The following OPCML variants were observed in gnomAD, a reference collection of about 807,000 sequenced individuals.
The protein encoded by OPCML is opioid binding protein/cell adhesion molecule like.
OPCML carries 13 observed loss-of-function variants against 37.8 expected under a neutral mutation model. That is an observed-to-expected ratio of 0.34 (90% confidence interval 0.22 to 0.55). OPCML has a LOEUF of 0.55. Among genes scored for constraint, OPCML ranks in the 20% least tolerant of loss-of-function variants. The pLI, the probability that OPCML is intolerant of heterozygous loss-of-function variation, is 0.91. For synonymous variants in OPCML, 176 were observed against 168.8 expected (o/e 1.04, Z -0.33); for missense variants, 341 against 435.6 (o/e 0.78, Z 1.93).
At chr11:133,495,684 T>C (rs2120486940) in intron 1 of OPCML, among the ~76,000 whole-genome samples, 1 of 152,366 alleles carries the variant, frequency 6.6e-6, no homozygotes, top group Non-Finnish European at 1.5e-5. Context: ...ATATGTCTGT[T>C]GGCCATTTGT....
rs1218631184 is a variant in OPCML, at chr11:133,091,154, A to G, written c.62-148144T>C. Among the ~76,000 whole-genome samples, 3 of 152,176 alleles carry G rather than the reference A, an allele frequency of 2.0e-5. No homozygotes were observed. In the East Asian group the frequency reaches 5.8e-4, roughly 29 times the overall value. On this transcript the variant is annotated intron_variant, in intron 1 of 7. Transcript: ENST00000524381. ...GGACCCAGGTGCAGCTTGGGCCACC[A>G]CTTGATAGGGCACAAGTGGTCAGCT...
At chr11:133,298,334 A>G (rs76275849) in intron 1 of OPCML, 1 of 152,232 alleles carries the variant, frequency 6.6e-6, no homozygotes, top group Admixed American at 6.5e-5. Flanking sequence ...GATGGTAAAA[A>G]TAAGGAAGTA....
At chr11:132,579,432 G>C (rs2096457862) in intron 3 of OPCML, among the ~76,000 whole-genome samples, 2 of 151,400 alleles carry the variant, frequency 1.3e-5, no homozygotes, top group South Asian at 2.2e-4. Flanking sequence ...GGGAGGCTGG[G>C]GATAATGAGA....
chr11:132,577,951 G>T (rs1001408582), intron 3 of OPCML, among the ~76,000 whole-genome samples: 4 of 152,040 alleles, frequency 2.6e-5, no homozygotes, highest in Admixed American at 2.6e-4. Context: ...CATAACAGGT[G>T]ATAAAACAGG....
At chr11:133,176,788 T>C (rs952312261) in intron 1 of OPCML, among the ~76,000 whole-genome samples, 5 of 152,238 alleles carry the variant, frequency 3.3e-5, no homozygotes, top group African/African-American at 1.2e-4. Flanking sequence ...TATTTCTTTA[T>C]AGCAATGCAA....
At chr11:132,674,392 C>A (rs1190342289) in intron 2 of OPCML, among the ~76,000 whole-genome samples, 2 of 152,124 alleles carry the variant, frequency 1.3e-5, no homozygotes, top group African/African-American at 2.4e-5. Context: ...GGAGAGGAAA[C>A]CTGGCCTCAC....
At chr11:133,396,329 G>C (rs1945285801) in intron 1 of OPCML, among the ~76,000 whole-genome samples, 1 of 151,994 alleles carries the variant, frequency 6.6e-6, no homozygotes, top group African/African-American at 2.4e-5. Flanking sequence ...CCAAATATAA[G>C]ACAAGATCAA....
intron 2 of OPCML, among the ~76,000 whole-genome samples, chr11:132,883,454 A>G (rs572281576): frequency 2.0e-5 from 3 of 152,328 alleles, no homozygotes; most frequent in Non-Finnish European, 4.4e-5. Flanking sequence ...GAGCTGCAAA[A>G]TTACCATATT....
At chr11:132,579,753 A>C (rs768223987) in intron 3 of OPCML, among the ~76,000 whole-genome samples, 4 of 152,146 alleles carry the variant, frequency 2.6e-5, no homozygotes, top group Non-Finnish European at 4.4e-5. Context: ...CTGAAGACAG[A>C]GTTGAATCTC....
intron 1 of OPCML, among the ~76,000 whole-genome samples, chr11:133,405,644 G>C (rs369194835): frequency 4.6e-5 from 7 of 152,078 alleles, no homozygotes; most frequent in Admixed American, 4.6e-4. Context: ...TGGCTCTAGC[G>C]CTGGGGGAAG....
chr11:133,437,851 G>T (rs1175214611), intron 1 of OPCML, among the ~76,000 whole-genome samples: 2 of 152,036 alleles, frequency 1.3e-5, no homozygotes, highest in African/African-American at 4.8e-5. Context: ...AATGATCCGA[G>T]ATTTTTATTT....
intron 1 of OPCML, chr11:133,008,184 T>C: frequency 1.0e-6 from 1 of 985,424 alleles, no homozygotes; most frequent in Non-Finnish European, 1.2e-6. Flanking sequence ...AACCCTTGGG[T>C]CATTCCATTG....
intron 1 of OPCML, among the ~76,000 whole-genome samples, chr11:133,457,487 A>C (rs1345925250): frequency 6.6e-6 from 1 of 152,136 alleles, no homozygotes; most frequent in Admixed American, 6.5e-5. Context: ...TGCAGTGAGC[A>C]GTCATCATGC....
chr11:133,005,672 C>A (rs1758691084), intron 1 of OPCML: 1 of 979,366 alleles, frequency 1.0e-6, no homozygotes, highest in East Asian at 1.1e-4. Context: ...TGCATGGATA[C>A]TTATCAATAT....
intron 4 of OPCML, among the ~76,000 whole-genome samples, chr11:132,500,676 C>A (rs577572659): frequency 1.3e-5 from 2 of 152,188 alleles, no homozygotes; most frequent in East Asian, 3.9e-4. Flanking sequence ...CATGCATTAG[C>A]TATTTGTCCT....
chr11:132,704,096 C>A (rs1434574690), intron 2 of OPCML, among the ~76,000 whole-genome samples: 1 of 152,052 alleles, frequency 6.6e-6, no homozygotes, highest in East Asian at 1.9e-4. Flanking sequence ...AGTTTGAAGC[C>A]ACATGGACTA....
chr11:133,268,040 AT>A (rs1254428778), intron 1 of OPCML, among the ~76,000 whole-genome samples: 1 of 152,114 alleles, frequency 6.6e-6, no homozygotes, highest in Non-Finnish European at 1.5e-5. Context: ...CTTCTGTGTG[AT>A]CTCAGCCTCC....
intron 2 of OPCML, among the ~76,000 whole-genome samples, chr11:132,813,420 C>T (rs1025477495): frequency 6.6e-6 from 1 of 152,142 alleles, no homozygotes; most frequent in Non-Finnish European, 1.5e-5. Context: ...TGCAGAAGTA[C>T]CAGCACAATG....
chr11:132,631,566 T>C lies in OPCML; in HGVS notation c.379+25521A>G, dbSNP rs1013631992. Among the ~76,000 whole-genome samples, 5 of 150,956 alleles carry C rather than the reference T, an allele frequency of 3.3e-5. No homozygotes were observed. In the East Asian group the frequency reaches 9.8e-4, roughly 29 times the overall value. ...GCTCCGCCTCCCGGGTTCACGCCAT[T>C]CGCCTGCCTCAGCCTCCCGAGTAGC... On this transcript the variant is annotated intron_variant, in intron 3 of 7. Coordinates refer to ENST00000524381, the MANE Select transcript of OPCML (RefSeq NM_001012393.5).
Sources: gnomAD v4.1 joint callset for allele counts (sites outside exome capture counted in the v4.1 genomes callset) on GRCh38, gnomAD v4.1.1 for gene constraint, MANE v1.5 for transcripts, NCBI Gene and HGNC (gene_info 2026-07-23, HGNC 2026-07-21) for gene names.